FARP1: variants seen among roughly 807,000 people sequenced by gnomAD.
The protein encoded by FARP1 is FERM, ARH/RhoGEF and pleckstrin domain protein 1.
FARP1 carries 52 observed loss-of-function variants against 128.8 expected under a neutral mutation model. The observed-to-expected ratio is 0.40, with a 90% CI of 0.32 to 0.51. The LOEUF (loss-of-function observed/expected upper bound fraction) is 0.51. Among genes scored for constraint, FARP1 ranks in the 20% least tolerant of loss-of-function variants. The probability of loss-of-function intolerance (pLI) is 0.45; values close to 1 mark genes in which losing one functional copy is unlikely to be tolerated. For synonymous variants in FARP1, 580 were observed against 551.8 expected (o/e 1.05, Z -0.72); for missense variants, 1,333 against 1,367.9 (o/e 0.97, Z 0.40).
At chr13:98,383,784 C>T (rs1003308515) in intron 6 of FARP1, 15 of 152,196 alleles carry the variant, frequency 9.9e-5, no homozygotes, top group African/African-American at 3.6e-4. Context: ...TAACTTTCCA[C>T]ATTCCAGCAG....
chr13:98,357,472 C>T (rs1888687561), intron 3 of FARP1, among the ~76,000 whole-genome samples: 1 of 152,090 alleles, frequency 6.6e-6, no homozygotes, highest in South Asian at 2.1e-4. Flanking sequence ...TGGATTATTT[C>T]TATTGTTAGG....
Position 98,213,322 on chromosome 13 carries a change from G to C in FARP1, c.80G>C (p.Arg27Pro), listed in dbSNP as rs146667664. 4.3e-6 allele frequency: 7 copies of C among 1,614,036 alleles called. No individual in the cohort carries two copies. The African/African-American group carries it at 9.3e-5, about 22-fold the overall frequency. ...AATTCGGGGATCAGTACCTTGGAAC[G>C]TGGACAGAAGCCGCCCCCAACACCT... is the stretch of plus-strand genomic sequence containing the variant. Reference protein sequence around the residue: ...PENSGISTLERGQKPPPTPSG... With the variant: ...PENSGISTLEPGQKPPPTPSG... The change falls in exon 2 of 27, where the codon CGT (arginine) becomes CCT (proline). Residue 27 changes from arginine to proline, a missense_variant. Coordinates refer to ENST00000319562, the MANE Select transcript of FARP1 (RefSeq NM_005766.4).
intron 2 of FARP1, among the ~76,000 whole-genome samples, chr13:98,255,946 A>G (rs1160549853): frequency 1.3e-5 from 2 of 152,218 alleles, no homozygotes; most frequent in African/African-American, 4.8e-5. Flanking sequence ...CCCCAAATCC[A>G]GAACAATCTG....
At chr13:98,352,219 C>T (rs80147257) in intron 3 of FARP1, among the ~76,000 whole-genome samples, 9,743 of 152,084 alleles carry the variant, frequency 0.064, 365 homozygotes, top group Middle Eastern at 0.11. Flanking sequence ...AAGGCCTGCA[C>T]GCCATCGGTG....
At chr13:98,262,795 C>A (rs1163409132) in intron 2 of FARP1, among the ~76,000 whole-genome samples, 1 of 151,912 alleles carries the variant, frequency 6.6e-6, no homozygotes, top group Non-Finnish European at 1.5e-5. Context: ...TCTGTCAGAC[C>A]CGAAGTTAAC....
At chr13:98,286,970 C>T (rs1885199445) in intron 2 of FARP1, among the ~76,000 whole-genome samples, 1 of 152,120 alleles carries the variant, frequency 6.6e-6, no homozygotes, top group South Asian at 2.1e-4. Flanking sequence ...AAAAAACTCT[C>T]ATACTGTTTA....
intron 2 of FARP1, among the ~76,000 whole-genome samples, chr13:98,223,485 C>T (rs946427439): frequency 7.2e-5 from 11 of 152,238 alleles, no homozygotes; most frequent in East Asian, 1.9e-4. Flanking sequence ...CCACCATGCC[C>T]GGCTAATTTT....
At chr13:98,393,864 T>C (rs965049970) in intron 12 of FARP1, 146 bp downstream of exon 12, 1 of 667,428 alleles carries the variant, frequency 1.5e-6, no homozygotes, top group African/African-American at 1.8e-5. Flanking sequence ...GCCTTGGCTT[T>C]GACCAGATAT....
rs554921655 is a variant in FARP1 at position 98,255,836 on chromosome 13, T to A, written c.171+42423T>A. Among the ~76,000 whole-genome samples the A allele has an allele frequency of 3.9e-5, 6 of 152,318 alleles. No homozygotes were observed. In the South Asian group the frequency reaches 1.2e-3, roughly 32 times the overall value. ...TGTACTGTATGTCAGGCAGAGCTCA[T>A]GTGGGAAGTTCTCTTATGACTGCAA... On this transcript the variant is annotated intron_variant, in intron 2 of 26. Coordinates refer to ENST00000319562, the MANE Select transcript of FARP1 (RefSeq NM_005766.4).
chr13:98,415,660 G>A (rs1366108483), intron 16 of FARP1, among the ~76,000 whole-genome samples: 2 of 152,256 alleles, frequency 1.3e-5, no homozygotes, highest in African/African-American at 4.8e-5. Flanking sequence ...ATACAGAACA[G>A]GCAACCCTTG....
intron 2 of FARP1, among the ~76,000 whole-genome samples, chr13:98,273,295 C>T (rs1374767867): frequency 6.6e-6 from 1 of 152,160 alleles, no homozygotes; most frequent in Non-Finnish European, 1.5e-5. Flanking sequence ...GTCAGAGTCA[C>T]CTGTAGGGAT....
chr13:98,249,428 G>A (rs563221779), intron 2 of FARP1, among the ~76,000 whole-genome samples: 20 of 152,086 alleles, frequency 1.3e-4, no homozygotes, highest in African/African-American at 4.1e-4. Context: ...TAAGATAGAC[G>A]CTTTTTTGCA....
chr13:98,244,904 C>T (rs1882979788), intron 2 of FARP1: 1 of 1,400,780 alleles, frequency 7.1e-7, no homozygotes, highest in South Asian at 1.6e-5. Context: ...CTAAACGGGT[C>T]TCCAGGAGGC....
At chr13:98,181,557 A>G (rs1480481881) in intron 1 of FARP1, among the ~76,000 whole-genome samples, 4 of 151,752 alleles carry the variant, frequency 2.6e-5, no homozygotes, top group African/African-American at 9.7e-5. Context: ...AAAAGAAGAA[A>G]TGAAAAACCT....
At chr13:98,195,550 T>G (rs1460675616) in intron 1 of FARP1, among the ~76,000 whole-genome samples, 1 of 152,144 alleles carries the variant, frequency 6.6e-6, no homozygotes, top group African/African-American at 2.4e-5. Flanking sequence ...ATCCAGAGCG[T>G]TGTTGGAGCG....
In FARP1 at chr13:98,397,675, G is replaced by C. The variant is rs149312051; in HGVS notation, c.1414+2199G>C. 8.5e-5 allele frequency: 13 copies of C among 152,178 alleles called. No individual in the cohort carries two copies. In the East Asian group the frequency reaches 2.5e-3, roughly 29 times the overall value. The allele number at this position is 152,178 out of a possible 1,614,324, so 9.4% of individuals were successfully genotyped here. ...TAGTGATGCCGGGACCCTGACCCTA[G>C]GGATTTTGATCTCATTGGTCTTGAG... On this transcript the variant is annotated intron_variant, in intron 13 of 26. Transcript: ENST00000319562.
At chr13:98,164,183 A>G (rs1877082425) in intron 1 of FARP1, among the ~76,000 whole-genome samples, 1 of 152,242 alleles carries the variant, frequency 6.6e-6, no homozygotes, top group African/African-American at 2.4e-5. Context: ...AACGAAGGAC[A>G]GAAAGGCCCA....
At chr13:98,425,651 A>G (rs1337427593) in intron 17 of FARP1, among the ~76,000 whole-genome samples, 1 of 152,180 alleles carries the variant, frequency 6.6e-6, no homozygotes, top group Non-Finnish European at 1.5e-5. Flanking sequence ...TCAGCCTCCC[A>G]AAGTGCTGGG....
chr13:98,288,795 C>T (rs2139656451), intron 2 of FARP1, among the ~76,000 whole-genome samples: 1 of 152,284 alleles, frequency 6.6e-6, no homozygotes, highest in East Asian at 1.9e-4. Flanking sequence ...AATGAGATTT[C>T]AGCTTTGGGC....
Sources: allele counts gnomAD v4.1 joint callset (sites outside exome capture counted in the v4.1 genomes callset), GRCh38; gene constraint gnomAD v4.1.1; transcripts MANE v1.5; gene names NCBI Gene and HGNC (gene_info 2026-07-23, HGNC 2026-07-21).